The following IGSF11 variants were observed in gnomAD, a reference collection of about 807,000 sequenced individuals.
IGSF11 encodes the protein CXADR like 1.
Under a neutral mutation model 41.0 loss-of-function variants are expected in IGSF11, and 22 were observed. That is an observed-to-expected ratio of 0.54 (90% CI 0.38 to 0.77). The LOEUF (loss-of-function observed/expected upper bound fraction) is 0.77, where lower values mean the gene tolerates loss of function less well. IGSF11 is among the 30% of genes least tolerant of loss of function. IGSF11 has a pLI of 0.00. For synonymous variants in IGSF11, 219 were observed against 201.3 expected, an observed-to-expected ratio of 1.09 and a Z score of -0.74; for missense variants, 444 against 530.8, an observed-to-expected ratio of 0.84 and a Z score of 1.61.
intron 1 of IGSF11, among the ~76,000 whole-genome samples, chr3:119,132,932 A>G (rs2077505015): frequency 6.6e-6 from 1 of 152,214 alleles, no homozygotes; most frequent in Non-Finnish European, 1.5e-5. Flanking sequence ...CCACACAACT[A>G]CATGGAAACT....
intron 1 of IGSF11, among the ~76,000 whole-genome samples, chr3:118,942,063 G>A (rs192846325): frequency 2.4e-4 from 36 of 152,256 alleles, no homozygotes; most frequent in Admixed American, 2.2e-3. Flanking sequence ...TTATGGTAGT[G>A]AACACAAGAC....
intron 1 of IGSF11, among the ~76,000 whole-genome samples, chr3:119,020,932 T>G (rs1476683038): frequency 6.6e-6 from 1 of 152,232 alleles, no homozygotes; most frequent in Non-Finnish European, 1.5e-5. Flanking sequence ...ATAAAGTTAC[T>G]TAAGACCAGA....
At chr3:118,959,079 G>A (rs911155055) in intron 1 of IGSF11, among the ~76,000 whole-genome samples, 2 of 152,160 alleles carry the variant, frequency 1.3e-5, no homozygotes, top group African/African-American at 2.4e-5. Context: ...GGTAAATAAT[G>A]TTGGATACAT....
upstream of IGSF11, among the ~76,000 whole-genome samples, chr3:119,106,218 A>G (rs1306598527): frequency 1.3e-5 from 2 of 152,170 alleles, no homozygotes; most frequent in African/African-American, 4.8e-5. Flanking sequence ...CAATCCATTT[A>G]TACTTTTTTA....
At chr3:118,927,350 T>C (rs552877322) in intron 3 of IGSF11, among the ~76,000 whole-genome samples, 2 of 152,150 alleles carry the variant, frequency 1.3e-5, no homozygotes, top group Admixed American at 1.3e-4. Context: ...AGAAATAAGG[T>C]TGGATAATAT....
At chr3:118,991,689 C>T (rs866722159) in intron 1 of IGSF11, among the ~76,000 whole-genome samples, 31 of 152,052 alleles carry the variant, frequency 2.0e-4, no homozygotes, top group African/African-American at 6.8e-4. Flanking sequence ...TAAATGCTCA[C>T]GTATAAGAGA....
Position 118,952,958 on chromosome 3 carries a change from AGTGCTTTAGT to A in IGSF11, c.53-22693_53-22684del, listed in dbSNP as rs1944679020. ...CAGGTGGTGTTTGGTTACATGGATA[AGTGCTTTAGT>A]GGTGATTTGTGAGATTTTGGTGCAC... On this transcript the variant is annotated intron_variant, in intron 1 of 6. Transcript: ENST00000393775. 2.0e-5 allele frequency among the ~76,000 whole-genome samples: 3 copies of A among 152,122 alleles called. No homozygotes were observed. The East Asian group carries it at 5.8e-4, about 29-fold the overall frequency.
chr3:118,963,495 G>A (rs984972080), intron 1 of IGSF11, among the ~76,000 whole-genome samples: 6 of 152,116 alleles, frequency 3.9e-5, no homozygotes, highest in East Asian at 1.9e-4. Flanking sequence ...TTCTGATGAG[G>A]GTTGAGGTGC....
chr3:119,076,713 T>C (rs1359232707), intron 1 of IGSF11, among the ~76,000 whole-genome samples: 1 of 152,150 alleles, frequency 6.6e-6, no homozygotes, highest in Non-Finnish European at 1.5e-5. Context: ...CACAGTGAGA[T>C]ACCATCTCAC....
At chr3:119,066,424 T>A (rs1227376509) in intron 1 of IGSF11, among the ~76,000 whole-genome samples, 3 of 152,238 alleles carry the variant, frequency 2.0e-5, no homozygotes, top group African/African-American at 7.2e-5. Flanking sequence ...TCAGCTGTAA[T>A]CTCTTCAAAT....
At chr3:119,049,011 G>C (rs1451959057) in intron 1 of IGSF11, among the ~76,000 whole-genome samples, 2 of 151,588 alleles carry the variant, frequency 1.3e-5, no homozygotes, top group African/African-American at 2.4e-5. Context: ...AATAATAAGA[G>C]CTATCTATGA....
At chr3:119,101,253 T>C (rs2076935350) in intron 1 of IGSF11, among the ~76,000 whole-genome samples, 1 of 152,218 alleles carries the variant, frequency 6.6e-6, no homozygotes, top group Admixed American at 6.5e-5. Context: ...CTCACACCTG[T>C]AATCCCAGCA....
At chr3:119,043,234 G>A (rs1299815430) in intron 1 of IGSF11, among the ~76,000 whole-genome samples, 1 of 152,180 alleles carries the variant, frequency 6.6e-6, no homozygotes. Flanking sequence ...GGGGGTTGCT[G>A]TTGCCAGCTC....
chr3:118,963,558 T>C (rs936478305), intron 1 of IGSF11, among the ~76,000 whole-genome samples: 4 of 152,142 alleles, frequency 2.6e-5, no homozygotes, highest in Admixed American at 1.3e-4. Flanking sequence ...CTCATGGAGA[T>C]AGGATTCTGG....
chr3:118,902,844 G>A lies in IGSF11; in HGVS notation c.972C>T (p.Asn324=). 6.2e-7 allele frequency: 1 copy of A among 1,614,162 alleles called. No individual in the cohort carries two copies. Among genetic ancestry groups the A allele is most frequent in the Non-Finnish European group, 8.5e-7 (1 of 1,180,004 alleles). ...CTGTGTTTCTATGAACTTTTGGATT[G>A]TTGCTCCAGTATCGACTGTTGTAGG... ...SNAYNSRYWS[N]NPKVHRNTES... The change falls in exon 7 of 7, where the codon AAC becomes AAT. Residue 324 remains asparagine (N), a synonymous_variant. Coordinates refer to ENST00000393775, the MANE Select transcript of IGSF11 (RefSeq NM_001015887.3).
At chr3:119,084,652 C>G (rs931271236) in intron 1 of IGSF11, among the ~76,000 whole-genome samples, 10 of 152,226 alleles carry the variant, frequency 6.6e-5, no homozygotes, top group Admixed American at 1.3e-4. Context: ...GCCTGCCAGC[C>G]AACCCTTCCA....
intron 1 of IGSF11, among the ~76,000 whole-genome samples, chr3:119,141,660 A>G (rs1380671791): frequency 6.7e-6 from 1 of 148,994 alleles, no homozygotes; most frequent in East Asian, 1.9e-4. Context: ...TATTTCTAAT[A>G]TCTATATATC....
At chr3:118,911,233 G>A (rs191539708) in intron 4 of IGSF11, among the ~76,000 whole-genome samples, 9 of 151,816 alleles carry the variant, frequency 5.9e-5, no homozygotes, top group Admixed American at 5.2e-4. Context: ...CACTATATGG[G>A]GTTTGCTTCA....
At chr3:119,087,181 C>T (rs2076689469) in intron 1 of IGSF11, among the ~76,000 whole-genome samples, 1 of 152,052 alleles carries the variant, frequency 6.6e-6, no homozygotes, top group Non-Finnish European at 1.5e-5. Flanking sequence ...AGATTCCTTA[C>T]AGAACTAAAA....
Sources: allele counts gnomAD v4.1 joint callset (sites outside exome capture counted in the v4.1 genomes callset), GRCh38; gene constraint gnomAD v4.1.1; transcripts MANE v1.5; gene names NCBI Gene and HGNC (gene_info 2026-07-23, HGNC 2026-07-21).